TMEM132D: variants seen among roughly 807,000 people sequenced by gnomAD.
TMEM132D encodes mature OL transmembrane protein.
A neutral mutation model predicts 62.3 loss-of-function variants in TMEM132D; 21 were observed. The observed-to-expected ratio is 0.34, with a 90% CI of 0.24 to 0.49. TMEM132D has a LOEUF of 0.49. Ranked by LOEUF, TMEM132D falls within the 20% of genes least tolerant of loss-of-function variation. The pLI is 0.99. For missense variants in TMEM132D, 1,346 were observed against 1,402.8 expected, an observed-to-expected ratio of 0.96 and a Z score of 0.65; for synonymous variants, 621 against 575.6, an observed-to-expected ratio of 1.08 and a Z score of -1.13.
At chr12:129,270,983 T>C (rs974587116) in intron 4 of TMEM132D, among the ~76,000 whole-genome samples, 3 of 152,268 alleles carry the variant, frequency 2.0e-5, no homozygotes, top group African/African-American at 7.2e-5. Context: ...CACCTGTGGT[T>C]GCACCCTGTG....
intron 3 of TMEM132D, among the ~76,000 whole-genome samples, chr12:129,412,358 T>G (rs952560424): frequency 2.0e-5 from 3 of 152,220 alleles, no homozygotes; most frequent in African/African-American, 7.2e-5. Context: ...TGAACATTAA[T>G]TTTGTTTGGG....
chr12:129,310,012 CA>C (rs371393928), intron 4 of TMEM132D, among the ~76,000 whole-genome samples: 2 of 150,232 alleles, frequency 1.3e-5, no homozygotes, highest in East Asian at 1.9e-4. Context: ...AAGCATTTCC[CA>C]AAAAAAAAGT....
chr12:129,158,445 C>G (rs1437276532), intron 5 of TMEM132D, among the ~76,000 whole-genome samples: 1 of 152,058 alleles, frequency 6.6e-6, no homozygotes, highest in Non-Finnish European at 1.5e-5. Flanking sequence ...TGTGTGATAC[C>G]AAGTTGGAAT....
At chr12:129,282,713 A>G (rs1881189952) in intron 4 of TMEM132D, among the ~76,000 whole-genome samples, 1 of 152,176 alleles carries the variant, frequency 6.6e-6, no homozygotes, top group Non-Finnish European at 1.5e-5. Context: ...CTCCACAGAA[A>G]TTTACATTTC....
At chr12:129,143,407 G>A (rs1876800246) in intron 5 of TMEM132D, among the ~76,000 whole-genome samples, 1 of 152,212 alleles carries the variant, frequency 6.6e-6, no homozygotes, top group African/African-American at 2.4e-5. Flanking sequence ...CACGTGTTCT[G>A]TGACCAGGAA....
intron 3 of TMEM132D, among the ~76,000 whole-genome samples, chr12:129,500,708 A>T (rs910724522): frequency 6.6e-6 from 1 of 152,240 alleles, no homozygotes; most frequent in African/African-American, 2.4e-5. Context: ...AAAGAGAAAG[A>T]AAGTGTCTAA....
chr12:129,127,789 C>A (rs958369328), intron 5 of TMEM132D, among the ~76,000 whole-genome samples: 1 of 152,204 alleles, frequency 6.6e-6, no homozygotes, highest in South Asian at 2.1e-4. Context: ...GTGGTTGACA[C>A]TTTGCACCCG....
chr12:129,079,876 A>T (rs1370883603), intron 7 of TMEM132D, among the ~76,000 whole-genome samples: 1 of 152,180 alleles, frequency 6.6e-6, no homozygotes, highest in Non-Finnish European at 1.5e-5. Context: ...TAGAGGCCTC[A>T]CCAAAATAAT....
chr12:129,539,405 C>CTTT lies in TMEM132D; in HGVS notation c.969-8203_969-8201dup, dbSNP rs33913406. On this transcript the variant is annotated intron_variant, in intron 2 of 8. Transcript: ENST00000422113. ...AGCCACCACATTTGGCTAATTTTTT[C>CTTT]TTTTTTTTTTTTTTTTTGAGACGGA... Among the ~76,000 whole-genome samples, 607 of 116,988 alleles carry CTTT rather than the reference C, an allele frequency of 5.2e-3. 24 individuals are homozygous for CTTT. Among genetic ancestry groups the CTTT allele is most frequent in the African/African-American group, 9.8e-3 (286 of 29,182 alleles). 76.7% of individuals were successfully genotyped at this position (116,988 alleles called of 152,430 possible). A position where few individuals can be genotyped will look rare whatever the true frequency, so the allele number is the denominator to read the frequency against.
chr12:129,309,495 G>C (rs1881921722), intron 4 of TMEM132D, among the ~76,000 whole-genome samples: 1 of 152,042 alleles, frequency 6.6e-6, no homozygotes, highest in African/African-American at 2.4e-5. Flanking sequence ...AAAATCCTTA[G>C]GAATAAAGGT....
At chr12:129,629,068 C>G (rs1879292364) in intron 2 of TMEM132D, among the ~76,000 whole-genome samples, 1 of 152,050 alleles carries the variant, frequency 6.6e-6, no homozygotes, top group Non-Finnish European at 1.5e-5. Flanking sequence ...ATGCCCCTTT[C>G]TCCCTCTACC....
At chr12:129,642,393 C>T (rs991915833) in intron 2 of TMEM132D, among the ~76,000 whole-genome samples, 2 of 152,204 alleles carry the variant, frequency 1.3e-5, no homozygotes, top group Non-Finnish European at 2.9e-5. Context: ...CATTTGGAAG[C>T]GCACCTTCGA....
At chr12:129,380,895 A>C (rs1385991949) in intron 3 of TMEM132D, among the ~76,000 whole-genome samples, 1 of 152,204 alleles carries the variant, frequency 6.6e-6, no homozygotes, top group African/African-American at 2.4e-5. Flanking sequence ...TGTTGCATAC[A>C]TCATTAGTTC....
Position 129,736,169 on chromosome 12 carries a change from T to C in TMEM132D, c.80-35471A>G, listed in dbSNP as rs184988196. 2.8e-3 allele frequency among the ~76,000 whole-genome samples: 429 copies of C among 152,332 alleles called. 2 individuals carry two copies. Among genetic ancestry groups the C allele is most frequent in the Middle Eastern group, 0.027 (8 of 294 alleles). On this transcript the variant is annotated intron_variant, in intron 1 of 8. Coordinates refer to ENST00000422113, the MANE Select transcript of TMEM132D (RefSeq NM_133448.3). ...GTAATAGACAATCTCAAAAACAAAT[T>C]GTATTTATTGCTGTTTCTCTAAAGA...
intron 1 of TMEM132D, among the ~76,000 whole-genome samples, chr12:129,744,021 G>A (rs1317971154): frequency 6.6e-6 from 1 of 152,198 alleles, no homozygotes; most frequent in East Asian, 1.9e-4. Flanking sequence ...AACCTATACA[G>A]CTATCTACAG....
At chr12:129,347,867 A>G (rs1196446644) in intron 3 of TMEM132D, among the ~76,000 whole-genome samples, 2 of 152,236 alleles carry the variant, frequency 1.3e-5, no homozygotes, top group African/African-American at 2.4e-5. Flanking sequence ...TTTACAAGAA[A>G]AAAACAACCC....
chr12:129,737,415 T>A (rs1309947438), intron 1 of TMEM132D, among the ~76,000 whole-genome samples: 1 of 152,234 alleles, frequency 6.6e-6, no homozygotes, highest in Non-Finnish European at 1.5e-5. Context: ...TATTTCACAC[T>A]GAAACCTTAA....
chr12:129,283,566 A>G (rs1279085156), intron 4 of TMEM132D, among the ~76,000 whole-genome samples: 1 of 152,054 alleles, frequency 6.6e-6, no homozygotes, highest in Non-Finnish European at 1.5e-5. Context: ...ACATATCTCT[A>G]CTGAATTTTT....
chr12:129,303,099 C>T lies in TMEM132D; in HGVS notation c.1299+34535G>A, dbSNP rs529720968. ...ATGGCTCCATAGCCAACACATCAAC[C>T]GGTGCCACCCAGTTTTCACCATCAG... On this transcript the variant is annotated intron_variant, in intron 4 of 8. Coordinates refer to ENST00000422113, the MANE Select transcript of TMEM132D (RefSeq NM_133448.3). Among the ~76,000 whole-genome samples the T allele has an allele frequency of 5.3e-5, 8 of 152,272 alleles. No homozygotes were observed. The East Asian group carries it at 7.8e-4, about 15-fold the overall frequency.
Sources: gnomAD v4.1 joint callset for allele counts (sites outside exome capture counted in the v4.1 genomes callset) on GRCh38, gnomAD v4.1.1 for gene constraint, MANE v1.5 for transcripts, NCBI Gene and HGNC (gene_info 2026-07-23, HGNC 2026-07-21) for gene names.